GPC5: variants seen among roughly 807,000 people sequenced by gnomAD.
The protein encoded by GPC5 is glypican-5.
In GPC5, 47 loss-of-function variants were observed where a neutral mutation model predicts 53.9. The ratio of observed to expected loss-of-function variants is 0.87; its 90% confidence interval spans 0.69 to 1.11. The LOEUF is 1.11. GPC5 is among the 50% of genes most tolerant of loss of function. The pLI is 0.00. For missense variants in GPC5, 748 were observed against 713.1 expected (o/e 1.05, Z -0.56); for synonymous variants, 286 against 263.3 (o/e 1.09, Z -0.84).
At chr13:91,429,618 T>C (rs1252409358) in intron 1 of GPC5, among the ~76,000 whole-genome samples, 2 of 152,136 alleles carry the variant, frequency 1.3e-5, no homozygotes, top group African/African-American at 4.8e-5. Context: ...TAGTATAAAG[T>C]TATGGAAGTG....
intron 6 of GPC5, among the ~76,000 whole-genome samples, chr13:91,948,536 C>CT (rs1275623114): frequency 2.6e-5 from 4 of 151,734 alleles, no homozygotes; most frequent in East Asian, 1.9e-4. Context: ...TCATGTTGAG[C>CT]TTTTTTTTAA....
chr13:91,761,521 T>G (rs1479640854), intron 5 of GPC5, among the ~76,000 whole-genome samples: 1 of 152,178 alleles, frequency 6.6e-6, no homozygotes, highest in African/African-American at 2.4e-5. Context: ...CCTCCAGAAC[T>G]TCTGACCAAC....
intron 7 of GPC5, among the ~76,000 whole-genome samples, chr13:92,191,471 T>G (rs2042222256): frequency 6.6e-6 from 1 of 152,154 alleles, no homozygotes. Flanking sequence ...AGTTTGTCAG[T>G]TTCTTAGAAA....
Position 91,924,797 on chromosome 13 carries a change from A to T in GPC5, c.1401+16740A>T, listed in dbSNP as rs1156606824. On this transcript the variant is annotated intron_variant, in intron 6 of 7. Transcript: ENST00000377067. Reference sequence around the variant, plus strand: ...TAAAAATATCATTATCTGACATTTTAAAATGTATATTTCCCAACCTATAAA... The same window carrying T: ...TAAAAATATCATTATCTGACATTTTTAAATGTATATTTCCCAACCTATAAA... Among the ~76,000 whole-genome samples, 3 of 152,108 alleles carry T rather than the reference A, an allele frequency of 2.0e-5. No homozygotes were observed. The East Asian group carries it at 5.8e-4, about 29-fold the overall frequency.
chr13:91,620,881 A>G (rs77008187), intron 2 of GPC5, among the ~76,000 whole-genome samples: 340 of 152,134 alleles, frequency 2.2e-3, no homozygotes, highest in African/African-American at 7.5e-3. Context: ...GATCCTAAAG[A>G]TGGTCTGCTG....
At chr13:92,770,340 G>A (rs1461654914) in intron 7 of GPC5, among the ~76,000 whole-genome samples, 2 of 151,394 alleles carry the variant, frequency 1.3e-5, no homozygotes, top group African/African-American at 4.9e-5. Context: ...TCTTGAGCCT[G>A]GGAGGTGGAG....
chr13:91,958,573 C>G (rs1034807476), intron 6 of GPC5, among the ~76,000 whole-genome samples: 4 of 152,052 alleles, frequency 2.6e-5, no homozygotes. Flanking sequence ...ACAGAATACT[C>G]ATTCTTCTCA....
At chr13:92,068,980 C>G (rs188903055) in intron 6 of GPC5, among the ~76,000 whole-genome samples, 2 of 151,762 alleles carry the variant, frequency 1.3e-5, no homozygotes, top group African/African-American at 4.8e-5. Flanking sequence ...ATTTTGCTTA[C>G]GTTTTCTTCT....
chr13:92,824,768 T>C lies in GPC5; in HGVS notation c.1562-41514T>C, dbSNP rs9556223. On this transcript the variant is annotated intron_variant, in intron 7 of 7. Transcript: ENST00000377067. ...ATCTTACAGCATAATATGTATATACTTCTAAAAAAATTACTCCTTATAGTA... is the reference window on the plus strand; with the variant it reads ...ATCTTACAGCATAATATGTATATACCTCTAAAAAAATTACTCCTTATAGTA... Among the ~76,000 whole-genome samples the C allele has an allele frequency of 0.024, 3,683 of 151,836 alleles. 376 individuals are homozygous for C. In the East Asian group the frequency reaches 0.32, roughly 13 times the overall value.
At chr13:92,776,864 A>G (rs2138756027) in intron 7 of GPC5, among the ~76,000 whole-genome samples, 2 of 151,732 alleles carry the variant, frequency 1.3e-5, no homozygotes, top group Non-Finnish European at 2.9e-5. Context: ...TCCTTCTTTA[A>G]TAATGCTCTG....
chr13:92,527,097 AAAAGAAAGAAAAAAG>A (rs1417929007), intron 7 of GPC5, among the ~76,000 whole-genome samples: 3,802 of 75,966 alleles, frequency 0.05, 586 homozygotes, highest in East Asian at 0.087. Context: ...ATTCTGTAGG[AAAAGAAAGAAAAAAG>A]AAAGAAAGAA....
intron 5 of GPC5, among the ~76,000 whole-genome samples, chr13:91,844,047 T>G (rs950814871): frequency 6.6e-6 from 1 of 152,146 alleles, no homozygotes; most frequent in Non-Finnish European, 1.5e-5. Flanking sequence ...GTTTATCTGA[T>G]GTGAAGTCTC....
chr13:92,827,313 G>A (rs2138816863), intron 7 of GPC5, among the ~76,000 whole-genome samples: 2 of 152,212 alleles, frequency 1.3e-5, no homozygotes, highest in African/African-American at 4.8e-5. Context: ...GTATATCCTT[G>A]TGGCTATCAT....
intron 7 of GPC5, among the ~76,000 whole-genome samples, chr13:92,229,592 A>G (rs1024288061): frequency 3.9e-5 from 6 of 152,130 alleles, no homozygotes; most frequent in African/African-American, 1.4e-4. Context: ...ACTATTCTAA[A>G]TAATTTCAGA....
intron 7 of GPC5, among the ~76,000 whole-genome samples, chr13:92,308,923 C>G (rs1386630323): frequency 2.0e-5 from 3 of 152,024 alleles, no homozygotes; most frequent in Admixed American, 1.3e-4. Flanking sequence ...CATGTGTGAT[C>G]CATCTTTAAA....
chr13:92,673,817 T>C (rs61974463), intron 7 of GPC5, among the ~76,000 whole-genome samples: 33,637 of 152,068 alleles, frequency 0.22, 4,386 homozygotes, highest in South Asian at 0.36. Context: ...AGAAAATGGG[T>C]ATTAGAGTTT....
intron 7 of GPC5, among the ~76,000 whole-genome samples, chr13:92,731,982 G>A (rs1888818939): frequency 6.6e-6 from 1 of 151,322 alleles, no homozygotes; most frequent in Non-Finnish European, 1.5e-5. Context: ...AGTAGAGATG[G>A]TGTAAAAGTA....
At chr13:92,455,263 A>T (rs1449828225) in intron 7 of GPC5, among the ~76,000 whole-genome samples, 2 of 152,226 alleles carry the variant, frequency 1.3e-5, no homozygotes, top group Non-Finnish European at 2.9e-5. Flanking sequence ...CCATTCATAA[A>T]TATAGTTATA....
At chr13:92,426,586 T>C (rs906404855) in intron 7 of GPC5, among the ~76,000 whole-genome samples, 1 of 152,088 alleles carries the variant, frequency 6.6e-6, no homozygotes, top group Non-Finnish European at 1.5e-5. Context: ...ATAATCAAAG[T>C]GTTCATTGGA....
Sources: allele counts gnomAD v4.1 joint callset (sites outside exome capture counted in the v4.1 genomes callset), GRCh38; gene constraint gnomAD v4.1.1; transcripts MANE v1.5; gene names NCBI Gene and HGNC (gene_info 2026-07-23, HGNC 2026-07-21).